Variants in GLMN observed in about 807,000 individuals in gnomAD.
The protein encoded by GLMN is glomulin, FKBP associated protein, also known as glomulin.
Under a neutral mutation model 87.8 loss-of-function variants are expected in GLMN, and 75 were observed. That is an observed-to-expected ratio of 0.85 (90% CI 0.71 to 1.04). The LOEUF (loss-of-function observed/expected upper bound fraction) is 1.04. GLMN is among the 50% of genes least tolerant of loss of function. GLMN has a pLI of 0.00. For synonymous variants in GLMN, 206 were observed against 221.6 expected, an observed-to-expected ratio of 0.93 and a Z score of 0.63; for missense variants, 588 against 658.8, an observed-to-expected ratio of 0.89 and a Z score of 1.18.
In GLMN at chr1:92,297,478, A is replaced by G; in HGVS notation, c.91T>C (p.Leu31=). 6.2e-7 allele frequency: 1 copy of G among 1,612,982 alleles called. No homozygotes were observed. Among genetic ancestry groups the G allele is most frequent in the Non-Finnish European group, 8.5e-7 (1 of 1,179,580 alleles). The stretch of plus-strand genomic sequence containing the variant: ...TCTTCTATGCATCTTTGCCCAGCTA[A>G]CTGAAATAGGCCAAAATCCTCTTCT... ...FKEEDFGLFQ[L]AGQRCIEEGH... Residue 31 remains leucine, a synonymous_variant, in exon 3 of 19, where the codon TTA becomes CTA. Transcript: ENST00000370360.
intron 16 of GLMN, among the ~76,000 whole-genome samples, chr1:92,255,239 G>T (rs550606596): frequency 4.2e-4 from 64 of 152,226 alleles, no homozygotes; most frequent in Non-Finnish European, 8.1e-4. Flanking sequence ...AGCCAATACA[G>T]AAACACCCAG....
chr1:92,275,059 T>TA (rs1022586420), intron 7 of GLMN, among the ~76,000 whole-genome samples: 3 of 152,162 alleles, frequency 2.0e-5, no homozygotes, highest in African/African-American at 4.8e-5. Context: ...TATTGCTGGA[T>TA]AAAAAAATAC....
chr1:92,260,289 C>A (rs1357382404), intron 16 of GLMN, among the ~76,000 whole-genome samples: 4 of 151,952 alleles, frequency 2.6e-5, no homozygotes, highest in Non-Finnish European at 1.5e-5. Context: ...AATATTTGAT[C>A]CCTTAGAAAA....
At chr1:92,292,779 A>C (rs1570978004) in intron 3 of GLMN, among the ~76,000 whole-genome samples, 1 of 144,488 alleles carries the variant, frequency 6.9e-6, no homozygotes, top group Non-Finnish European at 1.5e-5. Context: ...TGTAATCCCA[A>C]CACTTTGGGA....
chr1:92,279,225 G>A lies in GLMN; in HGVS notation c.735+7265C>T, dbSNP rs1463535677. Among the ~76,000 whole-genome samples, 49 of 152,182 alleles carry A rather than the reference G, an allele frequency of 3.2e-4. 1 individual carries two copies. Among genetic ancestry groups the A allele is most frequent in the Admixed American group, 3.2e-3 (49 of 15,272 alleles). On this transcript the variant is annotated intron_variant, in intron 7 of 18. Transcript: ENST00000370360. ...AATCCCTGCACTTTGGGAGGCTGAG[G>A]CGGGTGGATCACGTGAGGTCAGGAG... is the stretch of plus-strand genomic sequence containing the variant.
the GLMN span, among the ~76,000 whole-genome samples, chr1:92,305,096 C>T: frequency 6.6e-6 from 1 of 151,744 alleles, no homozygotes; most frequent in Non-Finnish European, 1.5e-5. Context: ...GATCATGCCA[C>T]TGCACTCCAG....
chr1:92,345,455 CAG>C, the GLMN span, among the ~76,000 whole-genome samples: 1 of 78,176 alleles, frequency 1.3e-5, no homozygotes, highest in East Asian at 3.3e-4. Context: ...GAGGGAGGGA[CAG>C]AGGGAGGGAG....
upstream of GLMN, chr1:92,301,425 A>C (rs1011173055): frequency 2.2e-6 from 2 of 916,962 alleles, no homozygotes; most frequent in East Asian, 2.6e-5. Context: ...AAAACATGGA[A>C]TGTTGGACAT....
chr1:92,251,432 A>C (rs979175608), intron 16 of GLMN, among the ~76,000 whole-genome samples: 1 of 152,152 alleles, frequency 6.6e-6, no homozygotes, highest in Non-Finnish European at 1.5e-5. Flanking sequence ...CCCATATCTC[A>C]TATCATAAAA....
chr1:92,286,494 A>C lies in GLMN; in HGVS notation c.731T>G (p.Ile244Arg). 1 of 1,475,456 alleles carries C rather than the reference A, an allele frequency of 6.8e-7. No individual in the cohort carries two copies. Among genetic ancestry groups the C allele is most frequent in the Non-Finnish European group, 9.5e-7 (1 of 1,053,708 alleles). The allele number at this position is 1,475,456 out of a possible 1,614,324, so 91.4% of individuals were successfully genotyped here. A position where few individuals can be genotyped will look rare whatever the true frequency, so the allele number is the denominator to read the frequency against. ...NDPFRYFASE[I>R]IGFLSAIGHP... The stretch of plus-strand genomic sequence containing the variant: ...GATTAAATTAGCTGTACTTACTATT[A>C]TTTCTGATGCAAAATACCTGAAAGG... The change falls in exon 7 of 19, where the codon ATA becomes AGA. Residue 244 changes from isoleucine to arginine, a missense_variant. Physicochemically the swap from Ile to Arg is moderately conservative, Grantham distance 97. Transcript: ENST00000370360.
intron 7 of GLMN, 135 bp downstream of exon 7, chr1:92,286,355 C>T (rs572402580): frequency 1.3e-5 from 6 of 450,852 alleles, no homozygotes; most frequent in Non-Finnish European, 2.4e-5. Context: ...GTTTTATTTT[C>T]CATCTTTTGT....
chr1:92,320,308 C>T, the GLMN span, among the ~76,000 whole-genome samples: 13 of 152,080 alleles, frequency 8.5e-5, no homozygotes, highest in East Asian at 2.3e-3. Context: ...GAGTCTCGCT[C>T]TGTCGCCAGG....
intron 17 of GLMN, among the ~76,000 whole-genome samples, chr1:92,247,407 TATA>T (rs1294326815): frequency 6.6e-6 from 1 of 152,212 alleles, no homozygotes; most frequent in African/African-American, 2.4e-5. Flanking sequence ...TTCTTCAGTA[TATA>T]ATCAGAATTA....
intron 16 of GLMN, among the ~76,000 whole-genome samples, chr1:92,259,042 A>G (rs1383391665): frequency 6.6e-6 from 1 of 152,182 alleles, no homozygotes; most frequent in Non-Finnish European, 1.5e-5. Flanking sequence ...AAAATTCCTG[A>G]TATTTACCTG....
At chr1:92,247,285 T>C (rs1652816824) in intron 17 of GLMN, 141 bp from the exon 18 acceptor site, 1 of 668,350 alleles carries the variant, frequency 1.5e-6, no homozygotes, top group South Asian at 1.6e-5. Context: ...GCTCAGGGTA[T>C]ACTTAAGCTA....
rs563774887 is a variant in GLMN at position 92,260,940 on chromosome 1, C to CT, written c.1473+1922dup. On this transcript the variant is annotated intron_variant, in intron 16 of 18. Transcript: ENST00000370360. ...CTCTAAGCAGAGACCAATCTGCTGC[C>CT]TTTGTATTACTCTGTGTTCCATATC... Among the ~76,000 whole-genome samples the CT allele has an allele frequency of 3.3e-3, 504 of 152,270 alleles. 4 individuals are homozygous for CT. The highest frequency in any genetic ancestry group is 5.1e-3 in the Non-Finnish European group (347 of 68,014).
chr1:92,326,973 T>A, the GLMN span, among the ~76,000 whole-genome samples: 2 of 152,240 alleles, frequency 1.3e-5, no homozygotes, highest in African/African-American at 4.8e-5. Context: ...GCCAGGAGAC[T>A]TCCTGTTCAT....
At chr1:92,279,119 A>G (rs1386689442) in intron 7 of GLMN, among the ~76,000 whole-genome samples, 1 of 151,620 alleles carries the variant, frequency 6.6e-6, no homozygotes. Context: ...CTCCTTACCC[A>G]GCTTAAATTC....
chr1:92,333,459 A>G, the GLMN span: 1 of 1,611,660 alleles, frequency 6.2e-7, no homozygotes, highest in East Asian at 2.2e-5. Context: ...TCGTACTTGA[A>G]AAGTTGAGTA....
Sources: allele counts gnomAD v4.1 joint callset (sites outside exome capture counted in the v4.1 genomes callset), GRCh38; gene constraint gnomAD v4.1.1; transcripts MANE v1.5; gene names NCBI Gene and HGNC (gene_info 2026-07-23, HGNC 2026-07-21).